COL25A1: variants seen among roughly 807,000 people sequenced by gnomAD.
The protein encoded by COL25A1 is collagen type XXV alpha 1 chain.
In COL25A1, 103 loss-of-function variants were observed where a neutral mutation model predicts 128.4. The ratio of observed to expected loss-of-function variants is 0.80; its 90% CI spans 0.68 to 0.94. COL25A1 has a LOEUF of 0.94. Ranked by LOEUF, COL25A1 falls within the 40% of genes least tolerant of loss-of-function variation. The pLI, the probability that COL25A1 is intolerant of heterozygous loss-of-function variation, is 0.00. For missense variants in COL25A1, 745 were observed against 840.0 expected (o/e 0.89, Z 1.40); for synonymous variants, 279 against 277.2 (o/e 1.01, Z -0.06).
intron 3 of COL25A1, among the ~76,000 whole-genome samples, chr4:109,066,776 C>T (rs1384656856): frequency 1.3e-5 from 2 of 152,116 alleles, no homozygotes; most frequent in South Asian, 2.1e-4. Context: ...GATCCTCCTG[C>T]CTCACTCTCC....
chr4:109,139,209 T>C (rs1473437546), intron 3 of COL25A1, among the ~76,000 whole-genome samples: 2 of 104,184 alleles, frequency 1.9e-5, no homozygotes, highest in African/African-American at 5.3e-5. Flanking sequence ...TTAAGTTCCT[T>C]GTAGATTCTG....
chr4:109,191,627 C>T (rs192300846), intron 3 of COL25A1, among the ~76,000 whole-genome samples: 7 of 152,098 alleles, frequency 4.6e-5, no homozygotes, highest in Admixed American at 4.6e-4. Flanking sequence ...TATTTATTGC[C>T]CCGAAAATAG....
chr4:109,150,211 C>A (rs1359832902), intron 3 of COL25A1, among the ~76,000 whole-genome samples: 2 of 152,084 alleles, frequency 1.3e-5, no homozygotes, highest in Admixed American at 6.6e-5. Context: ...CCATCAAATA[C>A]TATGAATGAT....
At chr4:109,168,085 A>C (rs542494153) in intron 3 of COL25A1, among the ~76,000 whole-genome samples, 1 of 152,278 alleles carries the variant, frequency 6.6e-6, no homozygotes, top group East Asian at 1.9e-4. Flanking sequence ...GAGAATCCAA[A>C]TCTCTCACAA....
At chr4:108,870,864 C>G (rs926026386) in intron 19 of COL25A1, among the ~76,000 whole-genome samples, 2 of 151,940 alleles carry the variant, frequency 1.3e-5, no homozygotes, top group East Asian at 1.9e-4. Context: ...AAAGTTTACA[C>G]GGAAACCAGA....
chr4:109,242,352 C>T (rs1279707778), intron 3 of COL25A1, among the ~76,000 whole-genome samples: 1 of 152,118 alleles, frequency 6.6e-6, no homozygotes, highest in Non-Finnish European at 1.5e-5. Context: ...TGTCCTTAGA[C>T]TCACCTGCAC....
At chr4:109,058,404 G>A (rs764640010) in intron 3 of COL25A1, among the ~76,000 whole-genome samples, 3 of 151,992 alleles carry the variant, frequency 2.0e-5, no homozygotes, top group Non-Finnish European at 2.9e-5. Context: ...TCTATACAAC[G>A]TAATATATTA....
chr4:109,125,037 T>C (rs546396404), intron 3 of COL25A1, among the ~76,000 whole-genome samples: 36 of 152,186 alleles, frequency 2.4e-4, no homozygotes, highest in African/African-American at 8.2e-4. Context: ...ACTTTTCGCC[T>C]AGAATAACAA....
At chr4:109,219,618 G>A (rs763647246) in intron 3 of COL25A1, among the ~76,000 whole-genome samples, 9 of 152,038 alleles carry the variant, frequency 5.9e-5, no homozygotes, top group Admixed American at 3.9e-4. Flanking sequence ...CTATAGCCAC[G>A]CCCTTATTTT....
intron 3 of COL25A1, among the ~76,000 whole-genome samples, chr4:109,259,527 G>T (rs913048793): frequency 9.2e-5 from 14 of 152,026 alleles, no homozygotes; most frequent in Non-Finnish European, 1.9e-4. Flanking sequence ...TCTTTATTTT[G>T]ATTTGATATA....
At chr4:109,192,641 C>A (rs1373242176) in intron 3 of COL25A1, among the ~76,000 whole-genome samples, 1 of 152,040 alleles carries the variant, frequency 6.6e-6, no homozygotes, top group Non-Finnish European at 1.5e-5. Flanking sequence ...ATCACGAGGT[C>A]AGGAGATCGA....
chr4:109,137,533 C>A (rs1055021842), intron 3 of COL25A1, among the ~76,000 whole-genome samples: 3 of 152,174 alleles, frequency 2.0e-5, no homozygotes, highest in Non-Finnish European at 4.4e-5. Context: ...CTGGCAACAA[C>A]CCCCTAATCA....
intron 11 of COL25A1, among the ~76,000 whole-genome samples, chr4:108,935,353 C>T (rs566645664): frequency 1.6e-4 from 25 of 152,200 alleles, no homozygotes; most frequent in African/African-American, 5.8e-4. Flanking sequence ...AGATAATGTC[C>T]TTGTTCTTGA....
intron 3 of COL25A1, among the ~76,000 whole-genome samples, chr4:109,247,878 C>T (rs1780381447): frequency 6.6e-6 from 1 of 151,732 alleles, no homozygotes; most frequent in African/African-American, 2.4e-5. Context: ...ATGCTTTTAG[C>T]CAGCAAAGGC....
At chr4:109,224,934 C>G (rs1778696761) in intron 3 of COL25A1, among the ~76,000 whole-genome samples, 1 of 152,134 alleles carries the variant, frequency 6.6e-6, no homozygotes, top group African/African-American at 2.4e-5. Flanking sequence ...GAGTGAAACT[C>G]CATCTCAAAA....
chr4:108,841,081 G>T (rs907368701), intron 31 of COL25A1, among the ~76,000 whole-genome samples: 9 of 152,176 alleles, frequency 5.9e-5, no homozygotes, highest in Non-Finnish European at 1.2e-4. Context: ...AAAGGCAAAG[G>T]ACAGGTGGAG....
At chr4:109,248,621 T>A (rs1202073280) in intron 3 of COL25A1, among the ~76,000 whole-genome samples, 1 of 152,124 alleles carries the variant, frequency 6.6e-6, no homozygotes, top group Non-Finnish European at 1.5e-5. Flanking sequence ...TGCCATGCAG[T>A]AAAGCCAAGC....
chr4:109,246,891 T>C (rs1381922469), intron 3 of COL25A1, among the ~76,000 whole-genome samples: 2 of 152,172 alleles, frequency 1.3e-5, no homozygotes, highest in Admixed American at 1.3e-4. Context: ...TGCCCTGGAA[T>C]GCAAGGTAGG....
intron 3 of COL25A1, among the ~76,000 whole-genome samples, chr4:109,174,019 T>C (rs1773834038): frequency 6.6e-6 from 1 of 152,198 alleles, no homozygotes; most frequent in Non-Finnish European, 1.5e-5. Context: ...GCTCAATCTA[T>C]ATGTCTATAT....
Sources: gnomAD v4.1 joint callset for allele counts (sites outside exome capture counted in the v4.1 genomes callset) on GRCh38, gnomAD v4.1.1 for gene constraint, MANE v1.5 for transcripts, NCBI Gene and HGNC (gene_info 2026-07-23, HGNC 2026-07-21) for gene names.